Variants in ABHD2 observed in about 807,000 individuals in gnomAD.
ABHD2 encodes the protein monoacylglycerol lipase ABHD2.
In ABHD2, 20 loss-of-function variants were observed where a neutral mutation model predicts 48.1. The observed-to-expected ratio is 0.42, with a 90% CI of 0.29 to 0.60. The LOEUF (loss-of-function observed/expected upper bound fraction) is 0.60. Ranked by LOEUF, ABHD2 falls within the 20% of genes least tolerant of loss-of-function variation. The pLI is 0.24. For missense variants in ABHD2, 405 were observed against 550.9 expected (o/e 0.74, Z 2.65); for synonymous variants, 209 against 214.2 (o/e 0.98, Z 0.21).
chr15:89,174,488 G>A lies in ABHD2; in HGVS notation c.539-1324G>A, dbSNP rs546651290. Among the ~76,000 whole-genome samples, 123 of 152,288 alleles carry A rather than the reference G, an allele frequency of 8.1e-4. No homozygotes were observed. Among genetic ancestry groups the A allele is most frequent in the African/African-American group, 2.9e-3 (120 of 41,554 alleles). On this transcript the variant is annotated intron_variant, in intron 5 of 10. Coordinates refer to ENST00000352732, the MANE Select transcript of ABHD2 (RefSeq NM_152924.5). The surrounding 1 kb of genome is among the most constrained non-coding windows in gnomAD (Gnocchi z 4.1). ...CAGCTTAAGAACTGCATGGGGCTGT[G>A]CCGGCCTGGCTTAGGCTACATCCTA...
At chr15:89,089,608 C>T (rs1049995623) in intron 1 of ABHD2, among the ~76,000 whole-genome samples, 2 of 152,200 alleles carry the variant, frequency 1.3e-5, no homozygotes, top group African/African-American at 4.8e-5. Context: ...GTTCCAAGAA[C>T]AGGCTCCACA....
At chr15:89,105,078 TG>T (rs1263081765) in intron 1 of ABHD2, among the ~76,000 whole-genome samples, 26 of 152,258 alleles carry the variant, frequency 1.7e-4, no homozygotes, top group Admixed American at 1.6e-3. Context: ...TTCTCAGGTA[TG>T]GATTCATGGT....
the ABHD2 span, among the ~76,000 whole-genome samples, chr15:89,046,785 CTCT>C: frequency 2.0e-5 from 3 of 152,104 alleles, no homozygotes; most frequent in African/African-American, 7.2e-5. Context: ...TGATTCTTCT[CTCT>C]TTTTTTCTTA....
the ABHD2 span, among the ~76,000 whole-genome samples, chr15:89,054,817 T>G: frequency 6.6e-6 from 1 of 152,352 alleles, no homozygotes; most frequent in Non-Finnish European, 1.5e-5. Context: ...ATACTATATG[T>G]ACTGTTTGTA....
chr15:89,107,708 A>T (rs961875678), intron 1 of ABHD2, among the ~76,000 whole-genome samples: 1 of 152,326 alleles, frequency 6.6e-6, no homozygotes, highest in Admixed American at 6.5e-5. Flanking sequence ...TCACTGCAGG[A>T]CTGGACCCTA....
chr15:89,176,854 G>A lies in ABHD2; in HGVS notation c.722+859G>A, dbSNP rs566934573. Among the ~76,000 whole-genome samples, 2 of 152,292 alleles carry A rather than the reference G, an allele frequency of 1.3e-5. No homozygotes were observed. Among genetic ancestry groups the A allele is most frequent in the African/African-American group, 2.4e-5 (1 of 41,556 alleles). On this transcript the variant is annotated intron_variant, in intron 6 of 10. Transcript: ENST00000352732. The surrounding 1 kb of genome is among the most constrained non-coding windows in gnomAD (Gnocchi z 4.5). ...TTAAAAACACCTCCCTATTGATCCAGTCTAATGCCAAACAGTCCTTATCGT... is the reference window on the plus strand; with the variant it reads ...TTAAAAACACCTCCCTATTGATCCAATCTAATGCCAAACAGTCCTTATCGT...
At chr15:89,082,524 A>G (rs1478933897), upstream of ABHD2, 1 of 152,442 alleles carries the variant, frequency 6.6e-6, no homozygotes, top group African/African-American at 2.4e-5. The surrounding 1 kb of genome is among the most constrained non-coding windows in gnomAD (Gnocchi z 4.4). Context: ...CTCACCGCCA[A>G]TGCTGCCCTA....
rs537684577 is a variant in ABHD2 at position 89,192,891 on chromosome 15, T to C, written c.997-344T>C. 2.0e-5 allele frequency among the ~76,000 whole-genome samples: 3 copies of C among 152,272 alleles called. No homozygotes were observed. In the East Asian group the frequency reaches 5.8e-4, roughly 29 times the overall value. On this transcript the variant is annotated intron_variant, in intron 9 of 10. Coordinates refer to ENST00000352732, the MANE Select transcript of ABHD2 (RefSeq NM_152924.5). ...AGAATCTCTTTTGTCTGGTATGGAG[T>C]GCACTTCATTTTCCGCTCCCATGAT...
intron 1 of ABHD2, among the ~76,000 whole-genome samples, chr15:89,090,957 G>GC (rs1484294101): frequency 6.6e-6 from 1 of 152,218 alleles, no homozygotes; most frequent in African/African-American, 2.4e-5. Context: ...GCCTGGCCTG[G>GC]CAGAAGCAAA....
At chr15:89,050,650 G>A in the ABHD2 span, among the ~76,000 whole-genome samples, 1 of 152,198 alleles carries the variant, frequency 6.6e-6, no homozygotes. Context: ...GAACCCATCT[G>A]CTGGGATGGG....
Position 89,091,099 on chromosome 15 carries a change from T to C in ABHD2, c.-107+2536T>C, listed in dbSNP as rs188039979. 6.6e-6 allele frequency among the ~76,000 whole-genome samples: 1 copy of C among 152,346 alleles called. No individual in the cohort carries two copies. Among genetic ancestry groups the C allele is most frequent in the Non-Finnish European group, 1.5e-5 (1 of 68,030 alleles). On this transcript the variant is annotated intron_variant, in intron 1 of 10. Transcript: ENST00000352732. The surrounding 1 kb of genome is among the most constrained non-coding windows in gnomAD (Gnocchi z 5.5). ...AATGGTCTTTTTCCTCTCATTTTAG[T>C]CAGGGTCGTTCACTTTTTTCCCTTT...
chr15:89,123,568 T>C (rs2150828913), intron 3 of ABHD2, among the ~76,000 whole-genome samples: 1 of 151,428 alleles, frequency 6.6e-6, no homozygotes, highest in East Asian at 1.9e-4. Context: ...ATTTCTCTTT[T>C]TTTTTCTCCT....
the ABHD2 span, among the ~76,000 whole-genome samples, chr15:89,072,591 A>G: frequency 0.21 from 24,763 of 115,184 alleles, 2,824 homozygotes; most frequent in East Asian, 0.39. Flanking sequence ...GAAGAAAAGG[A>G]GAGGGGAGGG....
Position 89,105,530 on chromosome 15 carries a change from T to C in ABHD2, c.-106-8195T>C, listed in dbSNP as rs146915963. Among the ~76,000 whole-genome samples the C allele has an allele frequency of 2.2e-3, 332 of 152,364 alleles. 7 individuals carry two copies. Among genetic ancestry groups the C allele is most frequent in the Admixed American group, 0.017 (253 of 15,306 alleles). On this transcript the variant is annotated intron_variant, in intron 1 of 10. Transcript: ENST00000352732. ...ACAGAAAGACAATTTCAAGGACTTA[T>C]CTTGAATACAACAAAGGGCAACCTT...
rs1488825066 is a variant in ABHD2 at position 89,146,513 on chromosome 15, G to A, written c.195-5164G>A. Among the ~76,000 whole-genome samples the A allele has an allele frequency of 6.6e-6, 1 of 152,044 alleles. No homozygotes were observed. The highest frequency in any genetic ancestry group is 1.5e-5 in the Non-Finnish European group (1 of 68,032). ...TAAATAGGCTCAGAAGATAAGGACA[G>A]GCTGGCCTCTATATTTTGTTGTGGC... On this transcript the variant is annotated intron_variant, in intron 3 of 10. Transcript: ENST00000352732. This position sits in a 1 kb window ranked among gnomAD's most constrained non-coding sequence, Gnocchi z 4.2.
chr15:89,178,095 T>C (rs1480721141), intron 6 of ABHD2, among the ~76,000 whole-genome samples: 1 of 152,224 alleles, frequency 6.6e-6, no homozygotes, highest in Non-Finnish European at 1.5e-5. Context: ...TACACATAAC[T>C]AACTATTGGC....
At chr15:89,072,607 A>G in the ABHD2 span, among the ~76,000 whole-genome samples, 4 of 149,836 alleles carry the variant, frequency 2.7e-5, no homozygotes, top group South Asian at 8.6e-4. Context: ...GAGGGGAGGG[A>G]AGGGAAAGTT....
chr15:89,152,079 T>G (rs1256673786), intron 4 of ABHD2, among the ~76,000 whole-genome samples: 1 of 39,464 alleles, frequency 2.5e-5, no homozygotes, highest in African/African-American at 9.2e-5. Context: ...GTAGAATAGT[T>G]TTTTTTTTTT....
At chr15:89,046,816 T>C in the ABHD2 span, among the ~76,000 whole-genome samples, 5 of 152,136 alleles carry the variant, frequency 3.3e-5, no homozygotes, top group Non-Finnish European at 7.4e-5. Context: ...TGCTAGCGGT[T>C]TATCAATTTT....
Sources: gnomAD v4.1 joint callset for allele counts (sites outside exome capture counted in the v4.1 genomes callset) on GRCh38, gnomAD v4.1.1 for gene constraint, Gnocchi (gnomAD v3.1) non-coding constraint, MANE v1.5 for transcripts, NCBI Gene and HGNC (gene_info 2026-07-23, HGNC 2026-07-21) for gene names.